CDC42EP3: variants seen among roughly 807,000 people sequenced by gnomAD.
CDC42EP3 encodes the protein CDC42 effector protein 3, also known as CDC42 effector protein (Rho GTPase binding) 3.
In CDC42EP3, 4 loss-of-function variants were observed where a neutral mutation model predicts 15.5. That is an observed-to-expected ratio of 0.26 (90% CI 0.13 to 0.59). CDC42EP3 has a LOEUF of 0.59. CDC42EP3 is among the 20% of genes least tolerant of loss of function. The probability of loss-of-function intolerance (pLI) is 0.89; values close to 1 mark genes in which losing one functional copy is unlikely to be tolerated. For synonymous variants in CDC42EP3, 145 were observed against 130.3 expected, an observed-to-expected ratio of 1.11 and a Z score of -0.77; for missense variants, 309 against 311.2, an observed-to-expected ratio of 0.99 and a Z score of 0.05.
chr2:37,658,637 T>A (rs575947609), intron 1 of CDC42EP3, among the ~76,000 whole-genome samples: 3 of 152,266 alleles, frequency 2.0e-5, no homozygotes, highest in African/African-American at 7.2e-5. Context: ...GCTTTCCTGG[T>A]AAATGGCAGA....
intron 1 of CDC42EP3, among the ~76,000 whole-genome samples, chr2:37,668,256 A>G (rs192368767): frequency 1.3e-5 from 2 of 152,212 alleles, no homozygotes; most frequent in Non-Finnish European, 2.9e-5. Flanking sequence ...CCACTGTACT[A>G]TCTCTCTCAA....
At chr2:37,651,535 C>T (rs190834340) in intron 1 of CDC42EP3, among the ~76,000 whole-genome samples, 1 of 152,218 alleles carries the variant, frequency 6.6e-6, no homozygotes, top group Non-Finnish European at 1.5e-5. Flanking sequence ...GCCTGAGCCA[C>T]GTCTCCCCTG....
intron 1 of CDC42EP3, among the ~76,000 whole-genome samples, chr2:37,655,622 A>G (rs1003600385): frequency 1.3e-5 from 2 of 152,170 alleles, no homozygotes; most frequent in Non-Finnish European, 2.9e-5. Flanking sequence ...CGTGTTGTAC[A>G]TGGCACCAGG....
Position 37,644,587 on chromosome 2 carries a change from G to T in CDC42EP3, c.*1236C>A, listed in dbSNP as rs1665381652. ...GGTGTTCAAGTCAGGAAGATGCTCA[G>T]AAATGACCACTGAGAGGGTGGCATC... On this transcript the variant is annotated 3_prime_UTR_variant, in exon 2 of 2. Coordinates refer to ENST00000295324, the MANE Select transcript of CDC42EP3 (RefSeq NM_006449.5). The T allele has an allele frequency of 6.7e-6, 1 of 148,900 alleles. No individual in the cohort carries two copies. The highest frequency in any genetic ancestry group is 1.5e-5 in the Non-Finnish European group (1 of 67,576). The allele number at this position is 148,900 out of a possible 1,614,324, so 9.2% of individuals were successfully genotyped here.
At chr2:37,659,244 C>T (rs1247384925) in intron 1 of CDC42EP3, among the ~76,000 whole-genome samples, 1 of 152,194 alleles carries the variant, frequency 6.6e-6, no homozygotes, top group East Asian at 1.9e-4. Context: ...ATTGCTGTGC[C>T]TCTTCCTCTT....
At chr2:37,651,740 A>G (rs1362921590) in intron 1 of CDC42EP3, among the ~76,000 whole-genome samples, 1 of 152,142 alleles carries the variant, frequency 6.6e-6, no homozygotes, top group Non-Finnish European at 1.5e-5. Context: ...GCGAGGAGGG[A>G]AGTGCAGGCA....
chr2:37,664,746 G>C (rs4670755), intron 1 of CDC42EP3, among the ~76,000 whole-genome samples: 50,362 of 152,056 alleles, frequency 0.33, 9,223 homozygotes, highest in East Asian at 0.55. Flanking sequence ...AATTAGGCAG[G>C]CACTTGCGTC....
chr2:37,669,466 CG>C (rs1317157460), intron 1 of CDC42EP3, among the ~76,000 whole-genome samples: 2 of 152,118 alleles, frequency 1.3e-5, no homozygotes, highest in Non-Finnish European at 2.9e-5. Context: ...CATCTTGCAC[CG>C]CACTTAAATG....
chr2:37,657,009 CCTCGAGGAGAAAAA>C (rs1229661436), intron 1 of CDC42EP3, among the ~76,000 whole-genome samples: 2 of 125,506 alleles, frequency 1.6e-5, no homozygotes, highest in African/African-American at 6.3e-5. Context: ...CCCCCGCCAT[CCTCGAGGAGAAAAA>C]CAAACATCCT....
chr2:37,652,366 A>C (rs1228396058), intron 1 of CDC42EP3, among the ~76,000 whole-genome samples: 1 of 151,934 alleles, frequency 6.6e-6, no homozygotes, highest in East Asian at 1.9e-4. Flanking sequence ...GAGGAGCTAA[A>C]CAGGAAAGGC....
rs775185937 is a variant in CDC42EP3 at position 37,646,471 on chromosome 2, G to A, written c.117C>T (p.Arg39=). Residue 39 remains arginine (R), a synonymous_variant, in exon 2 of 2, where the codon CGC becomes CGT. Coordinates refer to ENST00000295324, the MANE Select transcript of CDC42EP3 (RefSeq NM_006449.5). ...CCTCTTTGCCAATGTGGATGGTGTG[G>A]CGAAAGTCTCCAAGCGGGGGACTGA... ...DMISPPLGDF[R]HTIHIGKEGQ... 6.2e-7 allele frequency: 1 copy of A among 1,614,030 alleles called. No homozygotes were observed. Among genetic ancestry groups the A allele is most frequent in the Non-Finnish European group, 8.5e-7 (1 of 1,180,020 alleles).
intron 1 of CDC42EP3, among the ~76,000 whole-genome samples, chr2:37,655,395 T>C (rs1665815273): frequency 6.6e-6 from 1 of 152,240 alleles, no homozygotes; most frequent in South Asian, 2.1e-4. Context: ...CTCATTTTTA[T>C]GGGATCTAAT....
chr2:37,656,073 C>T (rs1665836959), intron 1 of CDC42EP3, among the ~76,000 whole-genome samples: 1 of 152,212 alleles, frequency 6.6e-6, no homozygotes, highest in African/African-American at 2.4e-5. Flanking sequence ...GGTAAAGGGA[C>T]AAATACAGGA....
chr2:37,667,085 A>G (rs541668444), intron 1 of CDC42EP3, among the ~76,000 whole-genome samples: 1 of 152,082 alleles, frequency 6.6e-6, no homozygotes, highest in Non-Finnish European at 1.5e-5. Context: ...CAGAGCATCA[A>G]AGCAGTGGAG....
intron 1 of CDC42EP3, among the ~76,000 whole-genome samples, chr2:37,656,737 T>C (rs1209910149): frequency 2.6e-5 from 4 of 152,130 alleles, no homozygotes; most frequent in Non-Finnish European, 4.4e-5. Flanking sequence ...CTGAAGACTA[T>C]GTATCTTGAA....
intron 1 of CDC42EP3, among the ~76,000 whole-genome samples, chr2:37,654,150 C>T (rs1665776015): frequency 6.6e-6 from 1 of 152,156 alleles, no homozygotes; most frequent in South Asian, 2.1e-4. Context: ...CTCCCTACCC[C>T]CAACCATCTG....
At chr2:37,665,061 A>C (rs548542158) in intron 1 of CDC42EP3, among the ~76,000 whole-genome samples, 1 of 152,120 alleles carries the variant, frequency 6.6e-6, no homozygotes, top group East Asian at 1.9e-4. Flanking sequence ...CGGACCTAAA[A>C]GTTAGGCCTA....
intron 1 of CDC42EP3, among the ~76,000 whole-genome samples, chr2:37,656,990 A>ACCCCCCCCCCCCCCCC (rs1558340416): frequency 2.4e-5 from 1 of 42,308 alleles, no homozygotes; most frequent in African/African-American, 8.3e-5. Flanking sequence ...CCCCCCCCCC[A>ACCCCCCCCCCCCCCCC]CCCCCCGCCC....
intron 1 of CDC42EP3, among the ~76,000 whole-genome samples, chr2:37,650,716 G>A (rs1021953547): frequency 6.6e-6 from 1 of 152,198 alleles, no homozygotes; most frequent in Non-Finnish European, 1.5e-5. Context: ...AATTCTGTCT[G>A]CTCCCTAATT....
Sources: allele counts gnomAD v4.1 joint callset (sites outside exome capture counted in the v4.1 genomes callset), GRCh38; gene constraint gnomAD v4.1.1; transcripts MANE v1.5; gene names NCBI Gene and HGNC (gene_info 2026-07-23, HGNC 2026-07-21).